NCAM2: variants seen among roughly 807,000 people sequenced by gnomAD.
The protein encoded by NCAM2 is neural cell adhesion molecule 2, also known as N-CAM-2.
In NCAM2, 30 loss-of-function variants were observed where a neutral mutation model predicts 98.1. The observed-to-expected ratio is 0.31, with a 90% CI of 0.23 to 0.41. The LOEUF is 0.41. Ranked by LOEUF, NCAM2 falls within the 10% of genes least tolerant of loss-of-function variation. NCAM2 has a pLI of 1.00. For synonymous variants in NCAM2, 368 were observed against 342.4 expected (o/e 1.07, Z -0.83); for missense variants, 867 against 1,005.8 (o/e 0.86, Z 1.87).
intron 9 of NCAM2, among the ~76,000 whole-genome samples, chr21:21,382,704 G>A (rs1209182082): frequency 2.0e-5 from 3 of 151,636 alleles, no homozygotes; most frequent in Non-Finnish European, 4.4e-5. Flanking sequence ...TTTGTTTTTT[G>A]TATTTTTAGT....
chr21:21,360,799 G>A (rs748543258), intron 8 of NCAM2, among the ~76,000 whole-genome samples: 2 of 151,716 alleles, frequency 1.3e-5, no homozygotes, highest in Non-Finnish European at 2.9e-5. Flanking sequence ...AAATCCCACA[G>A]TAATTTTAAG....
chr21:21,317,146 G>A (rs138776344), intron 5 of NCAM2, among the ~76,000 whole-genome samples: 3 of 152,116 alleles, frequency 2.0e-5, no homozygotes, highest in African/African-American at 7.2e-5. Flanking sequence ...GTGACATCAC[G>A]TGGACACATT....
chr21:21,208,223 A>C (rs2147065728), intron 1 of NCAM2, among the ~76,000 whole-genome samples: 1 of 152,328 alleles, frequency 6.6e-6, no homozygotes. Context: ...TACAATAAAA[A>C]ATGTTTAAAG....
At chr21:21,319,319 G>A (rs535358620) in intron 5 of NCAM2, among the ~76,000 whole-genome samples, 2 of 152,260 alleles carry the variant, frequency 1.3e-5, no homozygotes, top group East Asian at 3.9e-4. Flanking sequence ...AATCCTCTGT[G>A]AATACGAGTT....
intron 1 of NCAM2, among the ~76,000 whole-genome samples, chr21:21,133,590 A>T (rs949527538): frequency 2.0e-5 from 3 of 152,206 alleles, no homozygotes; most frequent in African/African-American, 4.8e-5. Context: ...GTCATCACAT[A>T]TTCAATCCAC....
At chr21:21,036,314 TA>T (rs1167730852) in intron 1 of NCAM2, among the ~76,000 whole-genome samples, 1 of 152,168 alleles carries the variant, frequency 6.6e-6, no homozygotes, top group African/African-American at 2.4e-5. Flanking sequence ...AAGGACTTAA[TA>T]AACACAGCAG....
At chr21:21,175,419 G>T (rs1438475312) in intron 1 of NCAM2, among the ~76,000 whole-genome samples, 2 of 152,150 alleles carry the variant, frequency 1.3e-5, no homozygotes, top group Non-Finnish European at 2.9e-5. Context: ...TGTCTTCCCA[G>T]CTACTCAGGA....
chr21:21,129,378 A>G (rs1265072608), intron 1 of NCAM2, among the ~76,000 whole-genome samples: 1 of 152,194 alleles, frequency 6.6e-6, no homozygotes, highest in Non-Finnish European at 1.5e-5. Flanking sequence ...AGCAAATAAA[A>G]GAAGGTTAAA....
Position 21,057,386 on chromosome 21 carries a change from ATT to A in NCAM2, c.55+58770_55+58771del, listed in dbSNP as rs539404082. Among the ~76,000 whole-genome samples, 175 of 152,240 alleles carry A rather than the reference ATT, an allele frequency of 1.1e-3. 1 individual carries two copies. Among genetic ancestry groups the A allele is most frequent in the African/African-American group, 4.0e-3 (165 of 41,566 alleles). On this transcript the variant is annotated intron_variant, in intron 1 of 17. Transcript: ENST00000400546. ...CTTTCACAGCATGAGATTATTTTTAATTTGAATTGGTTTACCATGTAATGACA... is the reference window on the plus strand; with the variant it reads ...CTTTCACAGCATGAGATTATTTTTAATGAATTGGTTTACCATGTAATGACA...
intron 1 of NCAM2, among the ~76,000 whole-genome samples, chr21:21,000,127 A>G (rs1366018078): frequency 3.3e-5 from 5 of 152,222 alleles, no homozygotes; most frequent in Non-Finnish European, 7.3e-5. Flanking sequence ...TTAAGCAAAG[A>G]TCAGCATGCA....
intron 1 of NCAM2, among the ~76,000 whole-genome samples, chr21:21,068,225 A>C (rs9979857): frequency 0.25 from 34,378 of 138,218 alleles, 4,778 homozygotes; most frequent in African/African-American, 0.41. Flanking sequence ...CTCTGCCTCC[A>C]GGACTCAAGA....
intron 1 of NCAM2, among the ~76,000 whole-genome samples, chr21:21,227,491 T>A (rs1457479448): frequency 2.0e-5 from 3 of 151,730 alleles, no homozygotes; most frequent in Admixed American, 6.6e-5. Flanking sequence ...GTTAGAAAGA[T>A]CAAACATAAT....
chr21:21,218,252 A>C (rs2069989644), intron 1 of NCAM2, among the ~76,000 whole-genome samples: 1 of 152,310 alleles, frequency 6.6e-6, no homozygotes, highest in African/African-American at 2.4e-5. Context: ...TCCAGTGCGC[A>C]GTAAAGTTAA....
intron 5 of NCAM2, among the ~76,000 whole-genome samples, chr21:21,322,574 T>C (rs1487173670): frequency 6.6e-6 from 1 of 152,196 alleles, no homozygotes; most frequent in African/African-American, 2.4e-5. Context: ...TAAAACAGAA[T>C]TGGAATTGAA....
intron 1 of NCAM2, among the ~76,000 whole-genome samples, chr21:21,015,583 C>A (rs2146159149): frequency 6.6e-6 from 1 of 152,216 alleles, no homozygotes; most frequent in Middle Eastern, 3.4e-3. Context: ...CTTTTACATG[C>A]CCTGGAAAAC....
Position 21,079,101 on chromosome 21 carries a change from G to A in NCAM2, c.55+80483G>A, listed in dbSNP as rs117583308. Among the ~76,000 whole-genome samples, 919 of 152,218 alleles carry A rather than the reference G, an allele frequency of 6.0e-3. 1 individual carries two copies. Among genetic ancestry groups the A allele is most frequent in the Admixed American group, 0.012 (178 of 15,284 alleles). On this transcript the variant is annotated intron_variant, in intron 1 of 17. Coordinates refer to ENST00000400546, the MANE Select transcript of NCAM2 (RefSeq NM_004540.5). Reference sequence around the variant, plus strand: ...TAATACATGCAGGGCTTAAAACCTCGCTGAAGGGTTGACAGGTGCAGCAAA... The same window carrying A: ...TAATACATGCAGGGCTTAAAACCTCACTGAAGGGTTGACAGGTGCAGCAAA...
chr21:21,051,415 G>A (rs73218276), intron 1 of NCAM2, among the ~76,000 whole-genome samples: 9,094 of 152,220 alleles, frequency 0.06, 283 homozygotes, highest in East Asian at 0.096. Flanking sequence ...TTGTATCCAG[G>A]AAACCCAGTC....
intron 1 of NCAM2, among the ~76,000 whole-genome samples, chr21:21,267,389 C>T (rs539560808): frequency 1.3e-5 from 2 of 152,168 alleles, no homozygotes; most frequent in East Asian, 3.9e-4. Flanking sequence ...TATTCCTCAC[C>T]AGGGTAATAG....
At chr21:21,479,609 TTG>T (rs1491005351) in intron 15 of NCAM2, among the ~76,000 whole-genome samples, 8 of 80,868 alleles carry the variant, frequency 9.9e-5, no homozygotes, top group Non-Finnish European at 1.4e-4. Flanking sequence ...AAAAAAAAAA[TTG>T]TTGATGATAA....
Sources: allele counts gnomAD v4.1 joint callset (sites outside exome capture counted in the v4.1 genomes callset), GRCh38; gene constraint gnomAD v4.1.1; transcripts MANE v1.5; gene names NCBI Gene and HGNC (gene_info 2026-07-23, HGNC 2026-07-21).